PRAMEF9: variants seen among roughly 807,000 people sequenced by gnomAD.
The protein encoded by PRAMEF9 is PRAME family member 9, also known as PRAME family member 9/15.
PRAMEF9 carries 1 observed loss-of-function variant against 10.9 expected under a neutral mutation model. That is an observed-to-expected ratio of 0.09 (90% confidence interval 0.03 to 0.44). The LOEUF (loss-of-function observed/expected upper bound fraction) is 0.44. PRAMEF9 is among the 20% of genes least tolerant of loss of function. PRAMEF9 has a pLI of 0.97. For missense variants in PRAMEF9, 126 were observed against 379.8 expected (o/e 0.33, Z 5.55); for synonymous variants, 40 against 148.3 (o/e 0.27, Z 5.31).
Position 13,172,401 on chromosome 1 carries a change from G to T in PRAMEF9, c.-148G>T, listed in dbSNP as rs1455301475. ...GCAGCGGATACGTGGAGGGGCGTGG[G>T]TGGGAGTTATGATTAGAAAGGTCAA... On this transcript the variant is annotated 5_prime_UTR_variant, in exon 1 of 4. Coordinates refer to ENST00000415919, the MANE Select transcript of PRAMEF9 (RefSeq NM_001010890.3). 4.9e-5 allele frequency: 7 copies of T among 143,590 alleles called. No homozygotes were observed. Among genetic ancestry groups the T allele is most frequent in the African/African-American group, 1.7e-4 (7 of 41,062 alleles). The allele number at this position is 143,590 out of a possible 1,614,324, so 8.9% of individuals were successfully genotyped here.
rs781852133 is a variant in PRAMEF9 at position 13,179,054 on chromosome 1, C to G, written c.1359C>G (p.Ile453Met). Residue 453 changes from isoleucine (I) to methionine (M), a missense_variant, in exon 4 of 4, where the codon ATC becomes ATG. Transcript: ENST00000415919. The part of the protein sequence containing the change: ...RVRDLRHPKR[I>M]FFCIDNCPDC... The stretch of plus-strand genomic sequence containing the variant: ...GGGACTTAAGGCACCCCAAGAGGAT[C>G]TTTTTCTGTATTGACAACTGCCCTG... 2.6e-6 allele frequency: 4 copies of G among 1,541,526 alleles called. No individual in the cohort carries two copies. The highest frequency in any genetic ancestry group is 3.4e-5 in the Admixed American group (2 of 58,230).
chr1:13,179,044 C>T lies in PRAMEF9; in HGVS notation c.1349C>T (p.Pro450Leu). The change falls in exon 4 of 4, where the codon CCC becomes CTC. Residue 450 changes from proline (P) to leucine (L), a missense_variant. Coordinates refer to ENST00000415919, the MANE Select transcript of PRAMEF9 (RefSeq NM_001010890.3). ...LMNRVRDLRH[P>L]KRIFFCIDNC... ...AACAGAGTGAGGGACTTAAGGCACC[C>T]CAAGAGGATCTTTTTCTGTATTGAC... 6.5e-7 allele frequency: 1 copy of T among 1,541,224 alleles called. No individual in the cohort carries two copies. Among genetic ancestry groups the T allele is most frequent in the Admixed American group, 1.7e-5 (1 of 58,208 alleles).
rs782776658 is a variant in PRAMEF9 at position 13,179,093 on chromosome 1, G to A, written c.1398G>A (p.Arg466=). The A allele has an allele frequency of 8.3e-5, 128 of 1,541,090 alleles. 21 individuals are homozygous for A. The highest frequency in any genetic ancestry group is 1.1e-4 in the Non-Finnish European group (128 of 1,122,642). ...ACAACTGCCCTGACTGTGGCAACAG[G>A]TCATTTTATGACCTGGAGGCAGATC... is the stretch of plus-strand genomic sequence containing the variant. ...CIDNCPDCGN[R]SFYDLEADQY... The change falls in exon 4 of 4, where the codon AGG becomes AGA. Residue 466 remains arginine (R), a synonymous_variant. Transcript: ENST00000415919.
intron 1 of PRAMEF9, 190 bp downstream of exon 1, chr1:13,172,722 T>A (rs1638340739): frequency 7.3e-6 from 1 of 137,600 alleles, no homozygotes; most frequent in African/African-American, 2.5e-5. Context: ...AAGTTGATTG[T>A]GCTTTGGTTG....
intron 2 of PRAMEF9, 186 bp downstream of exon 2, chr1:13,175,759 CCT>C (rs1361860985): frequency 3.6e-5 from 17 of 476,842 alleles, no homozygotes; most frequent in Non-Finnish European, 6.1e-5. Context: ...GTAACAGGAA[CCT>C]CTCCTCTAAT....
Position 13,175,379 on chromosome 1 carries a change from GC to G in PRAMEF9, c.102del (p.Thr35GlnfsTer20). 6.7e-7 allele frequency: 1 copy of G among 1,483,886 alleles called. No homozygotes were observed. The highest frequency in any genetic ancestry group is 1.9e-5 in the Admixed American group (1 of 53,970). The allele number at this position is 1,483,886 out of a possible 1,614,324, so 91.9% of individuals were successfully genotyped here. On this transcript the variant is annotated frameshift_variant, in exon 2 of 4. Transcript: ENST00000415919. LOFTEE classifies it high-confidence loss of function. Reference sequence around the variant, plus strand: ...TGGCCATGTCCACCCTGGAGGAGCTGCCCACAGAACTTTTCCCCCCACTGTT... The same window carrying G: ...TGGCCATGTCCACCCTGGAGGAGCTGCCACAGAACTTTTCCCCCCACTGTT... ...ALAMSTLEEL[P>X]TELFPPLFME... is the part of the protein sequence containing the mutation.
intron 1 of PRAMEF9, chr1:13,174,955 C>T (rs5029854): frequency 0.49 from 98,042 of 201,728 alleles, 20,730 homozygotes; most frequent in Admixed American, 0.53. Flanking sequence ...CTTGAGTAAT[C>T]AGTAATTTCC....
In PRAMEF9 at chr1:13,172,589, G is replaced by T. The variant is rs1263785199; in HGVS notation, c.-17+57G>T. The T allele has an allele frequency of 2.9e-5, 4 of 138,116 alleles. 1 individual carries two copies. Among genetic ancestry groups the T allele is most frequent in the Non-Finnish European group, 4.9e-5 (3 of 61,228 alleles). 8.6% of individuals were successfully genotyped at this position (138,116 alleles called of 1,614,324 possible). A position where few individuals can be genotyped will look rare whatever the true frequency, so the allele number is the denominator to read the frequency against. On this transcript the variant is annotated intron_variant, in intron 1 of 3. Transcript: ENST00000415919. The stretch of plus-strand genomic sequence containing the variant: ...ATCTGACCTACAGTCAGTCAGTCTG[G>T]GATGGTGACAGTGCAGCCTAAGATG...
rs781928293 is a variant in PRAMEF9, at chr1:13,178,974, A to G, written c.1279A>G (p.Thr427Ala). 12 of 1,539,880 alleles carry G rather than the reference A, an allele frequency of 7.8e-6. 3 individuals are homozygous for G. Among genetic ancestry groups the G allele is most frequent in the Non-Finnish European group, 1.1e-5 (12 of 1,122,600 alleles). The change falls in exon 4 of 4, where the codon ACT becomes GCT. Residue 427 changes from threonine to alanine, a missense_variant. Physicochemically the swap from Thr to Ala is moderately conservative, Grantham distance 58. Coordinates refer to ENST00000415919, the MANE Select transcript of PRAMEF9 (RefSeq NM_001010890.3). ...APRESYGADG[T>A]LCWSRFAQIR... ...GCGGGAGAGTTATGGTGCTGATGGT[A>G]CTCTCTGCTGGAGCAGATTTGCTCA...
chr1:13,175,222 G>C lies in PRAMEF9; in HGVS notation c.-16-43G>C. The C allele has an allele frequency of 2.2e-6, 3 of 1,382,378 alleles. 1 individual carries two copies. Among genetic ancestry groups the C allele is most frequent in the Admixed American group, 1.9e-5 (1 of 52,076 alleles). The allele number at this position is 1,382,378 out of a possible 1,614,324, so 85.6% of individuals were successfully genotyped here. A position where few individuals can be genotyped will look rare whatever the true frequency, so the allele number is the denominator to read the frequency against. On this transcript the variant is annotated intron_variant, in intron 1 of 3. Transcript: ENST00000415919. The stretch of plus-strand genomic sequence containing the variant: ...GGAGAAGATGAGATTGCATGGGCTT[G>C]GCCTGAGAGTGATGCCTTTTCTCTG...
Position 13,178,973 on chromosome 1 carries a change from T to C in PRAMEF9, c.1278T>C (p.Gly426=), listed in dbSNP as rs1467126894. 6.5e-7 allele frequency: 1 copy of C among 1,540,064 alleles called. No homozygotes were observed. The highest frequency in any genetic ancestry group is 1.3e-5 in the African/African-American group (1 of 74,104). ...PAPRESYGAD[G]TLCWSRFAQI... is the part of the protein sequence containing the mutation. ...CGCGGGAGAGTTATGGTGCTGATGG[T>C]ACTCTCTGCTGGAGCAGATTTGCTC... is the stretch of plus-strand genomic sequence containing the variant. The change falls in exon 4 of 4, where the codon GGT becomes GGC. Residue 426 remains glycine (G), a synonymous_variant. Coordinates refer to ENST00000415919, the MANE Select transcript of PRAMEF9 (RefSeq NM_001010890.3).
At chr1:13,172,775 T>A (rs1196336876) in intron 1 of PRAMEF9, 2 of 141,054 alleles carry the variant, frequency 1.4e-5, no homozygotes, top group African/African-American at 4.9e-5. Context: ...ACTCATGCCT[T>A]TAACCCCAAC....
rs1351857207 is a variant in PRAMEF9 at position 13,175,070 on chromosome 1, T to G, written c.-16-195T>G. ...GCTCGTGGTGACCCTGCTTCCTCAC[T>G]GCTTCGGAGACGCTCATGCTGATGC... is the stretch of plus-strand genomic sequence containing the variant. On this transcript the variant is annotated intron_variant, in intron 1 of 3. Coordinates refer to ENST00000415919, the MANE Select transcript of PRAMEF9 (RefSeq NM_001010890.3). 2.2e-5 allele frequency: 14 copies of G among 623,104 alleles called. 1 individual carries two copies. Among genetic ancestry groups the G allele is most frequent in the African/African-American group, 7.1e-5 (4 of 56,690 alleles). The allele number at this position is 623,104 out of a possible 1,614,324, so 38.6% of individuals were successfully genotyped here. A position where few individuals can be genotyped will look rare whatever the true frequency, so the allele number is the denominator to read the frequency against.
chr1:13,172,687 A>T (rs1315584644), intron 1 of PRAMEF9, 155 bp downstream of exon 1: 61 of 133,786 alleles, frequency 4.6e-4, no homozygotes, highest in African/African-American at 1.3e-3. Flanking sequence ...TTTCCTCTAA[A>T]TGCAGTTCTG....
chr1:13,172,764 G>A (rs1243807350), intron 1 of PRAMEF9: 1 of 140,718 alleles, frequency 7.1e-6, no homozygotes, highest in African/African-American at 2.4e-5. Context: ...AGGGAGCAGT[G>A]ACTCATGCCT....
In PRAMEF9 at chr1:13,172,580, G is replaced by A. The variant is rs1262079841; in HGVS notation, c.-17+48G>A. 2.9e-4 allele frequency: 41 copies of A among 139,694 alleles called. 2 individuals carry two copies. Among genetic ancestry groups the A allele is most frequent in the African/African-American group, 9.4e-4 (38 of 40,636 alleles). 8.7% of individuals were successfully genotyped at this position (139,694 alleles called of 1,614,324 possible). ...GACACTCCCATCTGACCTACAGTCA[G>A]TCAGTCTGGGATGGTGACAGTGCAG... is the stretch of plus-strand genomic sequence containing the variant. On this transcript the variant is annotated intron_variant, in intron 1 of 3. Coordinates refer to ENST00000415919, the MANE Select transcript of PRAMEF9 (RefSeq NM_001010890.3).
intron 1 of PRAMEF9, 65 bp downstream of exon 1, chr1:13,172,597 A>G (rs1175476664): frequency 5.1e-5 from 7 of 138,112 alleles, no homozygotes; most frequent in African/African-American, 1.7e-4. Flanking sequence ...TGGGATGGTG[A>G]CAGTGCAGCC....
rs1205406610 is a variant in PRAMEF9, at chr1:13,172,699, C to T, written c.-17+167C>T. 25 of 134,978 alleles carry T rather than the reference C, an allele frequency of 1.9e-4. 2 individuals carry two copies. Among genetic ancestry groups the T allele is most frequent in the East Asian group, 8.3e-4 (3 of 3,630 alleles). 8.4% of individuals were successfully genotyped at this position (134,978 alleles called of 1,614,324 possible). ...TGTTTTCCTCTAAATGCAGTTCTGT[C>T]TTTATTTCAAAAAAGTTGATTGTGC... On this transcript the variant is annotated intron_variant, in intron 1 of 3. Coordinates refer to ENST00000415919, the MANE Select transcript of PRAMEF9 (RefSeq NM_001010890.3).
Position 13,172,297 on chromosome 1 carries a change from C to G in PRAMEF9, c.-252C>G, listed in dbSNP as rs1638332195. The G allele has an allele frequency of 7.6e-6, 1 of 132,092 alleles. No homozygotes were observed. Among genetic ancestry groups the G allele is most frequent in the South Asian group, 2.4e-4 (1 of 4,138 alleles). 8.2% of individuals were successfully genotyped at this position (132,092 alleles called of 1,614,324 possible). A position where few individuals can be genotyped will look rare whatever the true frequency, so the allele number is the denominator to read the frequency against. On this transcript the variant is annotated 5_prime_UTR_variant, in exon 1 of 4. Coordinates refer to ENST00000415919, the MANE Select transcript of PRAMEF9 (RefSeq NM_001010890.3). ...ATTCAATCCATTAATCTGGGGAGAG[C>G]CAAAAACCCAATCAGGATTACCTGG...
Sources: allele counts gnomAD v4.1 joint callset, GRCh38; gene constraint gnomAD v4.1.1; transcripts MANE v1.5; gene names NCBI Gene and HGNC (gene_info 2026-07-23, HGNC 2026-07-21).